TGFBRAP1: variants seen among roughly 807,000 people sequenced by gnomAD.
TGFBRAP1 encodes transforming growth factor beta receptor associated protein 1, also known as transforming growth factor-beta receptor-associated protein 1.
TGFBRAP1 carries 20 observed loss-of-function variants against 83.2 expected under a neutral mutation model. That is an observed-to-expected ratio of 0.24 (90% CI 0.17 to 0.35). TGFBRAP1 has a LOEUF of 0.35. Ranked by LOEUF, TGFBRAP1 falls within the 10% of genes least tolerant of loss-of-function variation. TGFBRAP1 has a pLI of 1.00. For synonymous variants in TGFBRAP1, 415 were observed against 459.8 expected (o/e 0.90, Z 1.25); for missense variants, 950 against 1,099.4 (o/e 0.86, Z 1.92).
chr2:105,308,354 C>G lies in TGFBRAP1; in HGVS notation c.-17-36G>C. The G allele has an allele frequency of 2.0e-6, 3 of 1,525,642 alleles. No individual in the cohort carries two copies. In the South Asian group the frequency reaches 3.7e-5, roughly 19 times the overall value. The allele number at this position is 1,525,642 out of a possible 1,614,324, so 94.5% of individuals were successfully genotyped here. On this transcript the variant is annotated intron_variant, in intron 1 of 11. Coordinates refer to ENST00000393359, the MANE Select transcript of TGFBRAP1 (RefSeq NM_004257.6). The stretch of plus-strand genomic sequence containing the variant: ...AAGAGGAAAACTAATTTTAGAGGAA[C>G]AAGGAAGAAGCAGAAACAGAGGCTG...
chr2:105,322,151 T>G (rs1337423033), intron 1 of TGFBRAP1, among the ~76,000 whole-genome samples: 1 of 152,084 alleles, frequency 6.6e-6, no homozygotes, highest in Non-Finnish European at 1.5e-5. Flanking sequence ...TGTGTGTTTG[T>G]GTCTTCATTT....
rs376893591 is a variant in TGFBRAP1 at position 105,277,620 on chromosome 2, T to C, written c.1515A>G (p.Ala505=). ...GAAACCCTTCTAGACTCACCTGAAC[T>C]GCAGCAGCATCTTGGTTATTATAAT... ...LYHYNNQDAA[A]VQLWVNIVNG... The change falls in exon 7 of 12, where the codon GCA becomes GCG. Residue 505 remains alanine (A), a synonymous_variant. Transcript: ENST00000393359. The C allele has an allele frequency of 2.2e-5, 35 of 1,614,074 alleles. No homozygotes were observed. Among genetic ancestry groups the C allele is most frequent in the South Asian group, 2.0e-4 (18 of 91,080 alleles).
chr2:105,317,408 G>A (rs1452777844), intron 1 of TGFBRAP1, among the ~76,000 whole-genome samples: 1 of 150,778 alleles, frequency 6.6e-6, no homozygotes, highest in South Asian at 2.1e-4. Context: ...CTGCACTCCA[G>A]CCTGGCGACA....
chr2:105,302,523 C>T (rs1678334309), intron 2 of TGFBRAP1, among the ~76,000 whole-genome samples: 1 of 134,252 alleles, frequency 7.4e-6, no homozygotes, highest in Non-Finnish European at 1.6e-5. Context: ...GAAGTGATCA[C>T]TTTAGTATAT....
intron 7 of TGFBRAP1, among the ~76,000 whole-genome samples, chr2:105,276,449 C>T: frequency 6.6e-6 from 1 of 152,174 alleles, no homozygotes; most frequent in Non-Finnish European, 1.5e-5. Context: ...AGCCCAGAAA[C>T]AGGGGTGGCA....
chr2:105,297,584 A>T (rs72943064), intron 3 of TGFBRAP1, among the ~76,000 whole-genome samples: 39 of 152,266 alleles, frequency 2.6e-4, no homozygotes, highest in South Asian at 4.1e-4. Context: ...AAAACCCTTA[A>T]GTGGCAAATG....
intron 3 of TGFBRAP1, among the ~76,000 whole-genome samples, chr2:105,297,498 A>C (rs962360044): frequency 1.3e-5 from 2 of 152,212 alleles, no homozygotes; most frequent in Admixed American, 1.3e-4. Context: ...TAATGGCAGG[A>C]ACTGTGAGTC....
the TGFBRAP1 span, chr2:105,249,473 CTT>C: frequency 6.6e-6 from 1 of 152,168 alleles, no homozygotes; most frequent in Non-Finnish European, 1.5e-5. Context: ...ATGGTTGCCT[CTT>C]TCTTTATCCC....
At chr2:105,309,185 C>A (rs1206892700) in intron 1 of TGFBRAP1, among the ~76,000 whole-genome samples, 1 of 152,236 alleles carries the variant, frequency 6.6e-6, no homozygotes, top group African/African-American at 2.4e-5. Context: ...GAAGATCAGG[C>A]AAGGTGGCCT....
the TGFBRAP1 span, among the ~76,000 whole-genome samples, chr2:105,256,824 A>T: frequency 1.3e-5 from 2 of 152,234 alleles, no homozygotes; most frequent in Non-Finnish European, 2.9e-5. Flanking sequence ...GGCACAAGAT[A>T]CAGGTCATAA....
chr2:105,298,712 G>T lies in TGFBRAP1; in HGVS notation c.689-7C>A. Reference sequence around the variant, plus strand: ...GCGACTGTGGCAAACATGCCTAGAAGTAAGAAGAAAGAGTTAGGTAGGCTT... The same window carrying T: ...GCGACTGTGGCAAACATGCCTAGAATTAAGAAGAAAGAGTTAGGTAGGCTT... On this transcript the variant is annotated splice_region_variant and splice_polypyrimidine_tract_variant and intron_variant, in intron 2 of 11. Transcript: ENST00000393359. 6.4e-7 allele frequency: 1 copy of T among 1,562,862 alleles called. No homozygotes were observed. The highest frequency in any genetic ancestry group is 8.7e-7 in the Non-Finnish European group (1 of 1,148,282).
chr2:105,259,348 G>C, the TGFBRAP1 span, among the ~76,000 whole-genome samples: 1 of 152,192 alleles, frequency 6.6e-6, no homozygotes, highest in African/African-American at 2.4e-5. Flanking sequence ...CACGCATGCT[G>C]TCTATACTGC....
At chr2:105,303,153 G>A (rs1262164538) in intron 2 of TGFBRAP1, among the ~76,000 whole-genome samples, 2 of 152,204 alleles carry the variant, frequency 1.3e-5, no homozygotes, top group South Asian at 2.1e-4. Context: ...ACTTTACCCA[G>A]GTGCAGTAGT....
chr2:105,298,049 C>T (rs1272963790), intron 3 of TGFBRAP1, among the ~76,000 whole-genome samples: 18 of 152,204 alleles, frequency 1.2e-4, no homozygotes, highest in Non-Finnish European at 2.6e-4. Flanking sequence ...CCTCAGCTCA[C>T]GCTGCCCCTT....
In TGFBRAP1 at chr2:105,267,432, G is replaced by A; in HGVS notation, c.2534C>T (p.Ala845Val). Reference protein sequence around the residue: ...NGGLVHTHCAASRHTNPSSSS... With the variant: ...NGGLVHTHCAVSRHTNPSSSS... ...TGAGCTGGGGTTTGTGTGTCTGCTG[G>A]CGGCACAGTGGGTGTGCACAAGACC... The change falls in exon 12 of 12, where the codon GCC (alanine) becomes GTC (valine). Residue 845 changes from alanine (A) to valine (V), a missense_variant. By Grantham distance (64) the Ala-to-Val change is moderately conservative (BLOSUM62 0). Transcript: ENST00000393359. 1 of 1,614,188 alleles carries A rather than the reference G, an allele frequency of 6.2e-7. No individual in the cohort carries two copies. The highest frequency in any genetic ancestry group is 8.5e-7 in the Non-Finnish European group (1 of 1,180,044).
intron 10 of TGFBRAP1, among the ~76,000 whole-genome samples, chr2:105,270,862 T>C (rs1677131002): frequency 6.6e-6 from 1 of 152,238 alleles, no homozygotes; most frequent in South Asian, 2.1e-4. Flanking sequence ...ACATCTATCA[T>C]CTCATTTATA....
chr2:105,267,073 T>G lies in TGFBRAP1; in HGVS notation c.*310A>C. The G allele has an allele frequency of 4.6e-6, 1 of 218,336 alleles. No individual in the cohort carries two copies. Among genetic ancestry groups the G allele is most frequent in the Non-Finnish European group, 8.9e-6 (1 of 112,756 alleles). 13.5% of individuals were successfully genotyped at this position (218,336 alleles called of 1,614,324 possible). On this transcript the variant is annotated 3_prime_UTR_variant, in exon 12 of 12. Transcript: ENST00000393359. ...CTGGACTGCATGAGGAAGACTCCCT[T>G]TTTTTTTTTTTCAAAGTAGACCTCT...
chr2:105,298,609 G>A lies in TGFBRAP1; in HGVS notation c.785C>T (p.Ala262Val), dbSNP rs566848210. Reference protein sequence around the residue: ...GAAVSFPYVIALDDEFITVHS... With the variant: ...GAAVSFPYVIVLDDEFITVHS... The stretch of plus-strand genomic sequence containing the variant: ...GACTGTGATGAATTCGTCATCGAGC[G>A]CTATGACGTATGGAAAGGACACAGC... Residue 262 changes from alanine to valine, a missense_variant, in exon 3 of 12, where the codon GCG (alanine) becomes GTG (valine). Physicochemically the swap from Ala to Val is moderately conservative, Grantham distance 64 (BLOSUM62 0). Coordinates refer to ENST00000393359, the MANE Select transcript of TGFBRAP1 (RefSeq NM_004257.6). 22 of 1,614,076 alleles carry A rather than the reference G, an allele frequency of 1.4e-5. No individual in the cohort carries two copies. Among genetic ancestry groups the A allele is most frequent in the South Asian group, 6.6e-5 (6 of 91,038 alleles).
chr2:105,261,326 G>A (rs1007025068), downstream of TGFBRAP1, among the ~76,000 whole-genome samples: 1 of 152,164 alleles, frequency 6.6e-6, no homozygotes, highest in Non-Finnish European at 1.5e-5. Flanking sequence ...AGGTCAGGTT[G>A]GGGATTGGCC....
Sources: allele counts gnomAD v4.1 joint callset (sites outside exome capture counted in the v4.1 genomes callset), GRCh38; gene constraint gnomAD v4.1.1; transcripts MANE v1.5; gene names NCBI Gene and HGNC (gene_info 2026-07-23, HGNC 2026-07-21).